GSK3B: variants seen among roughly 807,000 people sequenced by gnomAD.
GSK3B encodes glycogen synthase kinase-3 beta.
A neutral mutation model predicts 56.4 loss-of-function variants in GSK3B; 15 were observed. That is an observed-to-expected ratio of 0.27 (90% CI 0.18 to 0.41). GSK3B has a LOEUF of 0.41. GSK3B is among the 10% of genes least tolerant of loss of function. The pLI is 1.00. For synonymous variants in GSK3B, 181 were observed against 188.9 expected, an observed-to-expected ratio of 0.96 and a Z score of 0.34; for missense variants, 300 against 513.4, an observed-to-expected ratio of 0.58 and a Z score of 4.02.
chr3:119,928,341 C>G (rs952331421), intron 3 of GSK3B, among the ~76,000 whole-genome samples: 61 of 152,036 alleles, frequency 4.0e-4, no homozygotes, highest in African/African-American at 1.4e-3. Flanking sequence ...CTTGGTGGCT[C>G]ACGCCTGTAA....
intron 8 of GSK3B, among the ~76,000 whole-genome samples, chr3:119,867,561 T>TA (rs2056200051): frequency 6.6e-6 from 1 of 151,952 alleles, no homozygotes; most frequent in East Asian, 1.9e-4. Flanking sequence ...ACAAAATATA[T>TA]AAAATTAACA....
At chr3:119,882,069 T>A (rs2056384864) in intron 7 of GSK3B, among the ~76,000 whole-genome samples, 1 of 152,174 alleles carries the variant, frequency 6.6e-6, no homozygotes, top group African/African-American at 2.4e-5. Context: ...TATATCTTTA[T>A]CAGCAGTGTG....
At chr3:120,039,250 T>C (rs2107529807) in intron 1 of GSK3B, among the ~76,000 whole-genome samples, 1 of 152,316 alleles carries the variant, frequency 6.6e-6, no homozygotes, top group Middle Eastern at 3.4e-3. Flanking sequence ...TGCAGAAATG[T>C]AAAATAGTAC....
rs12108149 is a variant in GSK3B at position 120,002,324 on chromosome 3, T to C, written c.89-85A>G. The C allele has an allele frequency of 0.22, 134,757 of 611,412 alleles. 17,124 individuals carry two copies. Among genetic ancestry groups the C allele is most frequent in the East Asian group, 0.48 (15,534 of 32,484 alleles). 37.9% of individuals were successfully genotyped at this position (611,412 alleles called of 1,614,324 possible). ...CTGCCAAAATATACAAGGTAAACTA[T>C]ATTCTTTATTTTTTATTTTATTTTT... On this transcript the variant is annotated intron_variant, in intron 1 of 10. Coordinates refer to ENST00000264235, the MANE Select transcript of GSK3B (RefSeq NM_001146156.2).
chr3:119,887,456 A>G (rs2056448225), intron 7 of GSK3B, among the ~76,000 whole-genome samples: 1 of 152,118 alleles, frequency 6.6e-6, no homozygotes, highest in Non-Finnish European at 1.5e-5. Context: ...AGAAGATATA[A>G]AAAAGAACCA....
chr3:120,010,939 A>C (rs1450273807), intron 1 of GSK3B, among the ~76,000 whole-genome samples: 1 of 152,124 alleles, frequency 6.6e-6, no homozygotes, highest in Non-Finnish European at 1.5e-5. Flanking sequence ...ACAGTGATGC[A>C]CACATGTAAT....
At position 120,094,407 on chromosome 3, in the gene GSK3B, G is replaced by T. The variant is rs2058546784; in HGVS notation, c.-973C>A. 3.1e-6 allele frequency: 1 copy of T among 321,852 alleles called. No homozygotes were observed. Among genetic ancestry groups the T allele is most frequent in the Non-Finnish European group, 5.7e-6 (1 of 174,132 alleles). 19.9% of individuals were successfully genotyped at this position (321,852 alleles called of 1,614,324 possible). A position where few individuals can be genotyped will look rare whatever the true frequency, so the allele number is the denominator to read the frequency against. ...CCGGGCGGCGGCGGCGGCGGCGGCG[G>T]CACAAGCCCGCATTCGCCCGGGTCA... On this transcript the variant is annotated 5_prime_UTR_variant, in exon 1 of 11. Coordinates refer to ENST00000264235, the MANE Select transcript of GSK3B (RefSeq NM_001146156.2).
At chr3:120,088,242 C>T (rs137856435) in intron 1 of GSK3B, among the ~76,000 whole-genome samples, 232 of 152,018 alleles carry the variant, frequency 1.5e-3, no homozygotes, top group Middle Eastern at 3.4e-3. Flanking sequence ...ATTACAGACA[C>T]AAGTATATTG....
In GSK3B at chr3:119,837,943, C is replaced by CATATATATATATATATATATATATAT. The variant is rs10574860; in HGVS notation, c.1195+5286_1195+5311dup. 2.2e-5 allele frequency among the ~76,000 whole-genome samples: 3 copies of CATATATATATATATATATATATATAT among 138,594 alleles called. No homozygotes were observed. In the Admixed American group the frequency reaches 2.3e-4, roughly 10 times the overall value. The allele number at this position is 138,594 out of a possible 152,430, so 90.9% of individuals were successfully genotyped here. A position where few individuals can be genotyped will look rare whatever the true frequency, so the allele number is the denominator to read the frequency against. On this transcript the variant is annotated intron_variant, in intron 10 of 10. Transcript: ENST00000264235. Reference sequence around the variant, plus strand: ...GAACATTTCCTACGTTGACCATTCACATATATATATATATATATATATATA... The same window carrying CATATATATATATATATATATATATAT: ...GAACATTTCCTACGTTGACCATTCACATATATATATATATATATATATATATATATATATATATATATATATATATA...
At position 119,824,000 on chromosome 3, in the gene GSK3B, T is replaced by G. The variant is rs191540673; in HGVS notation, c.*2788A>C. ...ATTGCTAGAGTTATTGTTACAATAA[T>G]ACAGGCCGGTACCTACTGTACAGAG... On this transcript the variant is annotated 3_prime_UTR_variant, in exon 11 of 11. Transcript: ENST00000264235. 1.5e-5 allele frequency: 3 copies of G among 200,376 alleles called. No homozygotes were observed. Among genetic ancestry groups the G allele is most frequent in the African/African-American group, 6.9e-5 (3 of 43,546 alleles). 12.4% of individuals were successfully genotyped at this position (200,376 alleles called of 1,614,324 possible).
At position 119,959,271 on chromosome 3, in the gene GSK3B, A is replaced by G. The variant is rs541122180; in HGVS notation, c.283-11920T>C. On this transcript the variant is annotated intron_variant, in intron 2 of 10. Transcript: ENST00000264235. ...GCTTTAAAGGCTGATCAGACTCCCAATTGTATATCTCTAGACCAGACCACC... is the reference window on the plus strand; with the variant it reads ...GCTTTAAAGGCTGATCAGACTCCCAGTTGTATATCTCTAGACCAGACCACC... Among the ~76,000 whole-genome samples the G allele has an allele frequency of 2.4e-4, 37 of 152,200 alleles. No individual in the cohort carries two copies. In the East Asian group the frequency reaches 5.4e-3, roughly 22 times the overall value.
intron 2 of GSK3B, among the ~76,000 whole-genome samples, chr3:119,956,930 C>T (rs2057220074): frequency 6.6e-6 from 1 of 152,170 alleles, no homozygotes; most frequent in Admixed American, 6.5e-5. Context: ...AGGGGAAAAG[C>T]AGTCAGACAA....
Position 119,826,044 on chromosome 3 carries a change from G to C in GSK3B, c.*744C>G. On this transcript the variant is annotated 3_prime_UTR_variant, in exon 11 of 11. Transcript: ENST00000264235. ...AAACAAAGAGCCACCTGTAGAGCAT[G>C]TGTGCCTGAGTCTTGCTTGCTGCTT... The C allele has an allele frequency of 4.5e-6, 1 of 222,000 alleles. No homozygotes were observed. The highest frequency in any genetic ancestry group is 9.0e-6 in the Non-Finnish European group (1 of 111,246). The allele number at this position is 222,000 out of a possible 1,614,324, so 13.8% of individuals were successfully genotyped here. A position where few individuals can be genotyped will look rare whatever the true frequency, so the allele number is the denominator to read the frequency against.
intron 1 of GSK3B, among the ~76,000 whole-genome samples, chr3:120,032,586 G>A (rs1344756353): frequency 1.3e-5 from 2 of 152,146 alleles, no homozygotes; most frequent in African/African-American, 4.8e-5. Flanking sequence ...GACTGAGGCA[G>A]GAGGATCACT....
chr3:119,936,506 C>G (rs1172524587), intron 3 of GSK3B, among the ~76,000 whole-genome samples: 1 of 151,262 alleles, frequency 6.6e-6, no homozygotes, highest in Non-Finnish European at 1.5e-5. Flanking sequence ...ACCACCATAC[C>G]TGGCTAATTT....
At chr3:119,988,555 A>T (rs899203989) in intron 2 of GSK3B, among the ~76,000 whole-genome samples, 5 of 152,222 alleles carry the variant, frequency 3.3e-5, no homozygotes, top group Admixed American at 1.3e-4. Context: ...CAAAGGCAAA[A>T]ATGCCCTTGG....
At chr3:119,952,017 A>G (rs900967549) in intron 2 of GSK3B, among the ~76,000 whole-genome samples, 3 of 152,048 alleles carry the variant, frequency 2.0e-5, no homozygotes, top group African/African-American at 7.2e-5. Context: ...ACAAAGAGGG[A>G]AAAAATACTG....
chr3:119,951,340 G>A (rs1157563369), intron 2 of GSK3B, among the ~76,000 whole-genome samples: 1 of 152,236 alleles, frequency 6.6e-6, no homozygotes, highest in Admixed American at 6.5e-5. Flanking sequence ...GGGAGGTTCA[G>A]GCGGGCAGAT....
chr3:120,026,512 T>TACACACACACACACACACAC (rs61580328), intron 1 of GSK3B, among the ~76,000 whole-genome samples: 33 of 130,508 alleles, frequency 2.5e-4, no homozygotes, highest in Admixed American at 3.9e-4. Context: ...TACCGCCAAA[T>TACACACACACACACACACAC]ACACACACAC....
Sources: gnomAD v4.1 joint callset for allele counts (sites outside exome capture counted in the v4.1 genomes callset) on GRCh38, gnomAD v4.1.1 for gene constraint, MANE v1.5 for transcripts, NCBI Gene and HGNC (gene_info 2026-07-23, HGNC 2026-07-21) for gene names.